FRMD6: variants seen among roughly 807,000 people sequenced by gnomAD.
FRMD6 encodes FERM domain containing 6.
A neutral mutation model predicts 73.2 loss-of-function variants in FRMD6; 37 were observed. The observed-to-expected ratio is 0.51, with a 90% CI of 0.39 to 0.66. FRMD6 has a LOEUF of 0.66. FRMD6 is among the 30% of genes least tolerant of loss of function. FRMD6 has a pLI of 0.00. For synonymous variants in FRMD6, 273 were observed against 282.2 expected (o/e 0.97, Z 0.33); for missense variants, 714 against 780.5 (o/e 0.91, Z 1.02).
intron 2 of FRMD6, among the ~76,000 whole-genome samples, chr14:51,598,101 G>A (rs1232864257): frequency 6.6e-6 from 1 of 152,138 alleles, no homozygotes; most frequent in African/African-American, 2.4e-5. Flanking sequence ...ACTGTCTTTT[G>A]TGTTTTCATT....
chr14:51,503,208 C>A (rs1883719297), intron 1 of FRMD6, among the ~76,000 whole-genome samples: 1 of 152,146 alleles, frequency 6.6e-6, no homozygotes, highest in Admixed American at 6.5e-5. Context: ...TGTCTGATTG[C>A]CCTGGCCAGA....
chr14:51,645,265 G>C (rs1046025455), intron 2 of FRMD6, among the ~76,000 whole-genome samples: 13 of 152,180 alleles, frequency 8.5e-5, no homozygotes, highest in African/African-American at 2.4e-4. Flanking sequence ...GGTGTTTCAA[G>C]GTACTGTCTT....
chr14:51,619,101 A>G (rs954609526), intron 2 of FRMD6, among the ~76,000 whole-genome samples: 1 of 152,010 alleles, frequency 6.6e-6, no homozygotes, highest in African/African-American at 2.4e-5. Context: ...ACATAACAGA[A>G]GTGTTTCATG....
the FRMD6 span, among the ~76,000 whole-genome samples, chr14:51,452,879 A>C: frequency 5.9e-5 from 9 of 152,190 alleles, no homozygotes; most frequent in Non-Finnish European, 1.3e-4. Flanking sequence ...GATGTCCAGT[A>C]CTTTGAGGAG....
chr14:51,686,464 C>G (rs1246015545), intron 1 of FRMD6, among the ~76,000 whole-genome samples: 1 of 152,042 alleles, frequency 6.6e-6, no homozygotes, highest in Non-Finnish European at 1.5e-5. Context: ...ATTTTGTAAC[C>G]ATTGGGACTT....
chr14:51,720,198 A>G lies in FRMD6; in HGVS notation c.1168A>G (p.Ser390Gly), dbSNP rs199993680. 1 of 1,614,122 alleles carries G rather than the reference A, an allele frequency of 6.2e-7. No individual in the cohort carries two copies. The highest frequency in any genetic ancestry group is 8.5e-7 in the Non-Finnish European group (1 of 1,180,038). Reference sequence around the variant, plus strand: ...GTCCCGTCATTCCACCGCCAGCCACAGCAGTTCCCACACCTCGGGCATTGA... The same window carrying G: ...GTCCCGTCATTCCACCGCCAGCCACGGCAGTTCCCACACCTCGGGCATTGA... ...RLSRHSTASH[S>G]SSHTSGIEAD... Residue 390 changes from serine (S) to glycine (G), a missense_variant, in exon 11 of 14, where the codon AGC becomes GGC. Physicochemically the swap from Ser to Gly is moderately conservative, Grantham distance 56. Coordinates refer to ENST00000344768, the MANE Select transcript of FRMD6 (RefSeq NM_001267046.2).
At chr14:51,482,890 C>T in the FRMD6 span, among the ~76,000 whole-genome samples, 225 of 151,876 alleles carry the variant, frequency 1.5e-3, no homozygotes, top group African/African-American at 3.7e-3. Flanking sequence ...TTAGTAGAGA[C>T]GGGGGGTTTC....
At chr14:51,486,710 G>A (rs559956629), upstream of FRMD6, among the ~76,000 whole-genome samples, 1 of 152,330 alleles carries the variant, frequency 6.6e-6, no homozygotes, top group East Asian at 1.9e-4. Flanking sequence ...CAAGTTGAAA[G>A]TGGATGAGAA....
intron 2 of FRMD6, among the ~76,000 whole-genome samples, chr14:51,596,904 T>C (rs371385750): frequency 2.6e-5 from 4 of 152,320 alleles, no homozygotes; most frequent in African/African-American, 9.6e-5. Flanking sequence ...GGTCCTCAGA[T>C]CTGCTGCTCT....
At chr14:51,536,091 T>TAG (rs1437974865) in intron 1 of FRMD6, among the ~76,000 whole-genome samples, 3 of 139,306 alleles carry the variant, frequency 2.2e-5, no homozygotes, top group South Asian at 2.3e-4. Flanking sequence ...TATATATATA[T>TAG]ATATATAGAG....
chr14:51,719,811 CTCT>C (rs1200127575), intron 10 of FRMD6, among the ~76,000 whole-genome samples: 4 of 152,222 alleles, frequency 2.6e-5, no homozygotes, highest in Non-Finnish European at 5.9e-5. Context: ...TTAAATACCA[CTCT>C]TCTTATACTG....
rs577513935 is a variant in FRMD6, at chr14:51,641,990, C to T, written c.-146-47701C>T. 2.6e-5 allele frequency among the ~76,000 whole-genome samples: 4 copies of T among 152,252 alleles called. No homozygotes were observed. In the South Asian group the frequency reaches 6.2e-4, roughly 24 times the overall value. On this transcript the variant is annotated intron_variant, in intron 2 of 14. Transcript: ENST00000356218. ...TGGCTTTGAAGGTTCCCTTGTCTCA[C>T]GATTATCTCCCACCTTACAGATGCC...
chr14:51,589,356 T>TTTG (rs1268854975), intron 2 of FRMD6, among the ~76,000 whole-genome samples: 1 of 37,878 alleles, frequency 2.6e-5, no homozygotes, highest in South Asian at 8.3e-4. Flanking sequence ...TTTGGTTTTT[T>TTTG]TTGTTGTTGT....
intron 2 of FRMD6, among the ~76,000 whole-genome samples, chr14:51,597,863 C>A (rs767483110): frequency 6.6e-6 from 1 of 152,110 alleles, no homozygotes; most frequent in Admixed American, 6.6e-5. Flanking sequence ...TGGAGTGCAG[C>A]GCCCAAGGCT....
chr14:51,522,409 G>A (rs11622931), intron 1 of FRMD6, among the ~76,000 whole-genome samples: 87,970 of 151,964 alleles, frequency 0.58, 26,525 homozygotes, highest in African/African-American at 0.74. Context: ...GTCAATTTAA[G>A]CTTAACCTTT....
At chr14:51,494,198 A>C (rs1212658699) in intron 1 of FRMD6, among the ~76,000 whole-genome samples, 4 of 152,224 alleles carry the variant, frequency 2.6e-5, no homozygotes, top group Admixed American at 6.5e-5. Context: ...GTCTTAACTT[A>C]TTTCAGCATC....
intron 11 of FRMD6, among the ~76,000 whole-genome samples, chr14:51,721,066 C>A (rs141079324): frequency 1.3e-5 from 2 of 152,212 alleles, no homozygotes; most frequent in African/African-American, 4.8e-5. Context: ...TTTTTGGTTT[C>A]TGTAGAATTT....
intron 1 of FRMD6, among the ~76,000 whole-genome samples, chr14:51,660,692 G>C (rs1893158340): frequency 6.6e-6 from 1 of 151,784 alleles, no homozygotes; most frequent in Non-Finnish European, 1.5e-5. Context: ...AATAAGTGTT[G>C]TAGTATTTTG....
the FRMD6 span, among the ~76,000 whole-genome samples, chr14:51,440,294 A>G: frequency 6.6e-6 from 1 of 152,218 alleles, no homozygotes; most frequent in African/African-American, 2.4e-5. Context: ...CATCTTAGGA[A>G]TATTTTCTAC....
Sources: allele counts gnomAD v4.1 joint callset (sites outside exome capture counted in the v4.1 genomes callset), GRCh38; gene constraint gnomAD v4.1.1; transcripts MANE v1.5; gene names NCBI Gene and HGNC (gene_info 2026-07-23, HGNC 2026-07-21).